HEG1: variants seen among roughly 807,000 people sequenced by gnomAD.
HEG1 encodes protein HEG homolog 1.
In HEG1, 56 loss-of-function variants were observed where a neutral mutation model predicts 125.6. That is an observed-to-expected ratio of 0.45 (90% CI 0.36 to 0.56). HEG1 has a LOEUF of 0.56. Ranked by LOEUF, HEG1 falls within the 20% of genes least tolerant of loss-of-function variation. The pLI, the probability that HEG1 is intolerant of heterozygous loss-of-function variation, is 0.00. For missense variants in HEG1, 1,523 were observed against 1,670.0 expected (o/e 0.91, Z 1.53); for synonymous variants, 644 against 668.5 (o/e 0.96, Z 0.57).
intron 14 of HEG1, among the ~76,000 whole-genome samples, chr3:124,982,347 A>C (rs765404789): frequency 6.6e-6 from 1 of 152,240 alleles, no homozygotes; most frequent in African/African-American, 2.4e-5. Context: ...GATGACGTAG[A>C]AGTGCATGGA....
At chr3:125,051,910 G>T (rs534122034) in intron 1 of HEG1, among the ~76,000 whole-genome samples, 7 of 152,274 alleles carry the variant, frequency 4.6e-5, no homozygotes, top group African/African-American at 1.4e-4. Flanking sequence ...CACCAGGAGG[G>T]CAGAGGCTCC....
At chr3:125,040,536 G>A (rs533014964) in intron 1 of HEG1, among the ~76,000 whole-genome samples, 75 of 152,288 alleles carry the variant, frequency 4.9e-4, no homozygotes, top group African/African-American at 1.6e-3. Context: ...TGCCTCCCCG[G>A]TAGAGCATTC....
chr3:124,970,668 C>T lies in HEG1; in HGVS notation c.4130G>A (p.Arg1377Lys), dbSNP rs756186979. 2 of 1,602,372 alleles carry T rather than the reference C, an allele frequency of 1.2e-6. No individual in the cohort carries two copies. The highest frequency in any genetic ancestry group is 1.7e-5 in the Admixed American group (1 of 58,442). ...CTCCTGGACTTAAAAGTAGTCTCTT[C>T]TTCTGCTTTCATCACTGATGAAAGA... ...NPSFISDESR[R>K]RDYF Residue 1377 changes from arginine (R) to lysine (K), a missense_variant, in exon 17 of 17, where the codon AGA (arginine) becomes AAA (lysine). By Grantham distance (26) the Arg-to-Lys change is conservative. Transcript: ENST00000311127.
chr3:124,980,810 C>T (rs548679685), intron 14 of HEG1, among the ~76,000 whole-genome samples: 4 of 152,050 alleles, frequency 2.6e-5, no homozygotes, highest in Admixed American at 6.6e-5. Flanking sequence ...TGAGCCACAG[C>T]GCCTGGCCTG....
intron 1 of HEG1, among the ~76,000 whole-genome samples, chr3:125,045,741 G>A (rs552370115): frequency 3.1e-4 from 47 of 152,288 alleles, no homozygotes; most frequent in African/African-American, 1.1e-3. Context: ...ATGTGTTCCC[G>A]GGAAGCATTC....
chr3:124,974,917 C>G (rs1936507919), intron 15 of HEG1, among the ~76,000 whole-genome samples: 1 of 152,300 alleles, frequency 6.6e-6, no homozygotes, highest in East Asian at 1.9e-4. Flanking sequence ...ATGACATACT[C>G]ATGCACAACT....
At chr3:125,026,199 C>T (rs531963017) in intron 3 of HEG1, among the ~76,000 whole-genome samples, 1 of 152,316 alleles carries the variant, frequency 6.6e-6, no homozygotes, top group South Asian at 2.1e-4. Context: ...TTCCAATACT[C>T]TCTTTGGCCC....
chr3:124,994,985 A>C (rs1936894010), intron 12 of HEG1, among the ~76,000 whole-genome samples: 1 of 152,220 alleles, frequency 6.6e-6, no homozygotes, highest in South Asian at 2.1e-4. Context: ...GGATTAAAGA[A>C]AGAGACATGC....
chr3:124,990,442 G>A (rs1369597493), intron 14 of HEG1, among the ~76,000 whole-genome samples: 2 of 151,760 alleles, frequency 1.3e-5, no homozygotes, highest in East Asian at 3.9e-4. Flanking sequence ...AGGTTCAAGC[G>A]ATTCTCTCAC....
chr3:125,027,957 T>C (rs1278903859), intron 2 of HEG1, among the ~76,000 whole-genome samples: 4 of 152,342 alleles, frequency 2.6e-5, no homozygotes, highest in Non-Finnish European at 4.4e-5. Context: ...TTCATATGCA[T>C]CTTTACAGAA....
At chr3:124,998,160 C>T (rs1206323749) in intron 11 of HEG1, among the ~76,000 whole-genome samples, 2 of 152,098 alleles carry the variant, frequency 1.3e-5, no homozygotes, top group Non-Finnish European at 2.9e-5. Context: ...CCCTTAATGG[C>T]CCCGTGTCTT....
intron 7 of HEG1, 58 bp downstream of exon 7, chr3:125,010,381 T>C: frequency 1.9e-6 from 2 of 1,051,784 alleles, no homozygotes; most frequent in Admixed American, 2.3e-5. Flanking sequence ...AAGGAGTTTA[T>C]TGGGTAGCCC....
At chr3:124,975,889 T>A (rs994655342) in intron 15 of HEG1, among the ~76,000 whole-genome samples, 1 of 152,256 alleles carries the variant, frequency 6.6e-6, no homozygotes, top group Non-Finnish European at 1.5e-5. Context: ...TCATATTCCA[T>A]TGTAGAAATA....
chr3:124,965,732 G>A lies in HEG1; in HGVS notation c.*4920C>T, dbSNP rs1351712007. The A allele has an allele frequency of 6.6e-6, 1 of 152,130 alleles. No individual in the cohort carries two copies. The highest frequency in any genetic ancestry group is 2.4e-5 in the African/African-American group (1 of 41,416). 9.4% of individuals were successfully genotyped at this position (152,130 alleles called of 1,614,324 possible). A position where few individuals can be genotyped will look rare whatever the true frequency, so the allele number is the denominator to read the frequency against. On this transcript the variant is annotated 3_prime_UTR_variant, in exon 17 of 17. Coordinates refer to ENST00000311127, the MANE Select transcript of HEG1 (RefSeq NM_020733.2). Reference sequence around the variant, plus strand: ...CAATGAAAATGATATTAATTTTATTGCATCATTTTACTGACTAGAACGCCA... The same window carrying A: ...CAATGAAAATGATATTAATTTTATTACATCATTTTACTGACTAGAACGCCA...
intron 12 of HEG1, among the ~76,000 whole-genome samples, chr3:124,997,022 A>G (rs1936933262): frequency 6.6e-6 from 1 of 152,244 alleles, no homozygotes; most frequent in Non-Finnish European, 1.5e-5. Flanking sequence ...AAAGGTTAGT[A>G]GAATTAGATT....
At chr3:125,010,675 C>A in intron 6 of HEG1, 120 bp from the exon 7 acceptor site, 1 of 699,126 alleles carries the variant, frequency 1.4e-6, no homozygotes, top group Admixed American at 2.7e-5. Flanking sequence ...TTTACTTGCC[C>A]TGAAAGGCCA....
intron 1 of HEG1, among the ~76,000 whole-genome samples, chr3:125,049,187 C>T (rs1311980333): frequency 6.6e-6 from 1 of 152,212 alleles, no homozygotes; most frequent in Admixed American, 6.5e-5. Flanking sequence ...TCCCCAGTCT[C>T]CCTCTGCCTT....
At chr3:124,997,562 G>T in intron 12 of HEG1, 127 bp downstream of exon 12, 1 of 847,268 alleles carries the variant, frequency 1.2e-6, no homozygotes. Context: ...AAAATAACAA[G>T]AACCAGTTAC....
At chr3:124,976,520 T>A (rs1936544381) in intron 15 of HEG1, among the ~76,000 whole-genome samples, 1 of 151,242 alleles carries the variant, frequency 6.6e-6, no homozygotes, top group Admixed American at 6.6e-5. Flanking sequence ...TTAATAGCCA[T>A]CTTAGTGGGT....
Sources: allele counts gnomAD v4.1 joint callset (sites outside exome capture counted in the v4.1 genomes callset), GRCh38; gene constraint gnomAD v4.1.1; transcripts MANE v1.5; gene names NCBI Gene and HGNC (gene_info 2026-07-23, HGNC 2026-07-21).